The following TACR3 variants were observed in gnomAD, a reference collection of about 807,000 sequenced individuals.
TACR3 encodes the protein tachykinin receptor 3, also known as neuromedin-K receptor.
TACR3 carries 34 observed loss-of-function variants against 35.0 expected under a neutral mutation model. That is an observed-to-expected ratio of 0.97 (90% CI 0.74 to 1.30). The LOEUF is 1.30. Ranked by LOEUF, TACR3 falls within the 50% of genes most tolerant of loss-of-function variation. TACR3 has a pLI of 0.00. For synonymous variants in TACR3, 233 were observed against 221.1 expected (o/e 1.05, Z -0.48); for missense variants, 558 against 591.7 (o/e 0.94, Z 0.59).
chr4:103,673,073 C>T (rs930698749), intron 1 of TACR3, among the ~76,000 whole-genome samples: 9 of 152,182 alleles, frequency 5.9e-5, no homozygotes, highest in African/African-American at 2.2e-4. Context: ...AGATCCTTGA[C>T]ACGTATTAGG....
intron 3 of TACR3, among the ~76,000 whole-genome samples, chr4:103,595,227 A>G (rs1019771581): frequency 2.6e-5 from 4 of 152,202 alleles, no homozygotes; most frequent in African/African-American, 9.6e-5. Flanking sequence ...AGAAAAAAGA[A>G]TCAGGTGGTA....
In TACR3 at chr4:103,719,587, G is replaced by A. The variant is rs538867830; in HGVS notation, c.89C>T (p.Ala30Val). ...CTCAACTGCCCCCGTGGCCGCCCCG[G>A]CAGCTAGCGAGGCGGTCAGGTTCAC... ...DAVNLTASLA[A>V]GAATGAVETG... is the part of the protein sequence containing the mutation. The change falls in exon 1 of 5, where the codon GCC (alanine) becomes GTC (valine). Residue 30 changes from alanine (A) to valine (V), a missense_variant. Ala to Val is a moderately conservative substitution (Grantham distance 64). Coordinates refer to ENST00000304883, the MANE Select transcript of TACR3 (RefSeq NM_001059.3). The A allele has an allele frequency of 1.6e-5, 25 of 1,611,208 alleles. No individual in the cohort carries two copies. In the African/African-American group the frequency reaches 2.9e-4, roughly 19 times the overall value.
chr4:103,678,735 G>A (rs1390426683), intron 1 of TACR3, among the ~76,000 whole-genome samples: 1 of 151,038 alleles, frequency 6.6e-6, no homozygotes, highest in Non-Finnish European at 1.5e-5. Context: ...ATGTGAGTCT[G>A]CTGTTTTAGA....
At chr4:103,674,645 G>A (rs375088722) in intron 1 of TACR3, among the ~76,000 whole-genome samples, 55 of 152,238 alleles carry the variant, frequency 3.6e-4, no homozygotes, top group African/African-American at 1.2e-3. Context: ...TCTGCCTCCC[G>A]AGTTCATGCC....
Position 103,625,173 on chromosome 4 carries a change from A to G in TACR3, c.888+31021T>C, listed in dbSNP as rs78612113. ...TTCATTAAGGACATATGAAAAAATT[A>G]AAAAAGTTATATACATGGAGGCTGC... On this transcript the variant is annotated intron_variant, in intron 3 of 4. Coordinates refer to ENST00000304883, the MANE Select transcript of TACR3 (RefSeq NM_001059.3). Among the ~76,000 whole-genome samples, 477 of 152,330 alleles carry G rather than the reference A, an allele frequency of 3.1e-3. 4 individuals are homozygous for G. The highest frequency in any genetic ancestry group is 0.011 in the African/African-American group (450 of 41,588).
intron 1 of TACR3, among the ~76,000 whole-genome samples, chr4:103,687,730 C>G (rs370908983): frequency 3.4e-4 from 51 of 152,092 alleles, no homozygotes; most frequent in Non-Finnish European, 4.1e-4. Flanking sequence ...ACAAACCACT[C>G]CTCAATGAAA....
intron 3 of TACR3, among the ~76,000 whole-genome samples, chr4:103,607,480 T>C (rs1724407001): frequency 6.6e-6 from 1 of 151,768 alleles, no homozygotes; most frequent in Non-Finnish European, 1.5e-5. Context: ...ACAAAAATAC[T>C]TTTAAATATT....
intron 1 of TACR3, among the ~76,000 whole-genome samples, chr4:103,718,911 A>G (rs139415657): frequency 1.3e-5 from 2 of 152,260 alleles, no homozygotes; most frequent in African/African-American, 4.8e-5. Context: ...ATAAGGCTCA[A>G]TGATTTAGAG....
intron 1 of TACR3, among the ~76,000 whole-genome samples, chr4:103,709,925 A>C (rs547477320): frequency 1.3e-5 from 2 of 152,204 alleles, no homozygotes; most frequent in African/African-American, 4.8e-5. Context: ...CCATTACATA[A>C]TGGTAAAGGG....
intron 3 of TACR3, among the ~76,000 whole-genome samples, chr4:103,642,882 T>G (rs554036040): frequency 1.3e-5 from 2 of 151,988 alleles, no homozygotes; most frequent in Admixed American, 1.3e-4. Flanking sequence ...TTACCCTAAT[T>G]AGATTACTAT....
At chr4:103,609,614 C>G (rs1440627408) in intron 3 of TACR3, among the ~76,000 whole-genome samples, 5 of 152,046 alleles carry the variant, frequency 3.3e-5, no homozygotes, top group African/African-American at 1.2e-4. Flanking sequence ...TGAGAACATT[C>G]AAAATCCTTT....
chr4:103,592,769 A>G (rs1723922276), intron 3 of TACR3, among the ~76,000 whole-genome samples: 1 of 152,210 alleles, frequency 6.6e-6, no homozygotes, highest in Admixed American at 6.5e-5. Context: ...TATGAAATGG[A>G]CTTGTCATTT....
intron 3 of TACR3, among the ~76,000 whole-genome samples, chr4:103,651,693 G>T (rs1475158146): frequency 1.3e-5 from 2 of 151,882 alleles, no homozygotes; most frequent in Non-Finnish European, 2.9e-5. Context: ...CTGGGAATGT[G>T]CTGAGTCTCA....
chr4:103,605,177 A>G (rs1277631112), intron 3 of TACR3, among the ~76,000 whole-genome samples: 1 of 146,624 alleles, frequency 6.8e-6, no homozygotes, highest in African/African-American at 2.5e-5. Context: ...TTATGGCTGC[A>G]TAGTATTCCA....
intron 1 of TACR3, among the ~76,000 whole-genome samples, chr4:103,696,686 A>T (rs888528888): frequency 6.6e-6 from 1 of 152,062 alleles, no homozygotes; most frequent in Non-Finnish European, 1.5e-5. Flanking sequence ...CCCTTTTGTC[A>T]CTACCACTTT....
At chr4:103,692,842 C>A (rs1469306560) in intron 1 of TACR3, among the ~76,000 whole-genome samples, 1 of 152,080 alleles carries the variant, frequency 6.6e-6, no homozygotes, top group East Asian at 1.9e-4. Context: ...AAGGGAGAGT[C>A]ATTGCCCAGG....
chr4:103,694,573 A>C (rs1722481892), intron 1 of TACR3, among the ~76,000 whole-genome samples: 1 of 152,170 alleles, frequency 6.6e-6, no homozygotes, highest in South Asian at 2.1e-4. Context: ...CCATTTCCCT[A>C]TGGCTGACTC....
At chr4:103,593,219 A>C (rs1351657144) in intron 3 of TACR3, 2 of 152,140 alleles carry the variant, frequency 1.3e-5, no homozygotes, top group Non-Finnish European at 2.9e-5. Context: ...TGAGGCAAAA[A>C]CCCAAAGATC....
At chr4:103,717,734 G>T (rs1560544161) in intron 1 of TACR3, among the ~76,000 whole-genome samples, 1 of 152,126 alleles carries the variant, frequency 6.6e-6, no homozygotes, top group Non-Finnish European at 1.5e-5. Flanking sequence ...CAAGGAAGCT[G>T]CTCAAACAAA....
Sources: allele counts gnomAD v4.1 joint callset (sites outside exome capture counted in the v4.1 genomes callset), GRCh38; gene constraint gnomAD v4.1.1; transcripts MANE v1.5; gene names NCBI Gene and HGNC (gene_info 2026-07-23, HGNC 2026-07-21).